FBXL17: variants seen among roughly 807,000 people sequenced by gnomAD.
The protein encoded by FBXL17 is F-box/LRR-repeat protein 17.
A neutral mutation model predicts 66.2 loss-of-function variants in FBXL17; 22 were observed. The observed-to-expected ratio is 0.33, with a 90% CI of 0.24 to 0.47. FBXL17 has a LOEUF of 0.47. Ranked by LOEUF, FBXL17 falls within the 20% of genes least tolerant of loss-of-function variation. The pLI is 1.00. For missense variants in FBXL17, 878 were observed against 948.2 expected (o/e 0.93, Z 0.97); for synonymous variants, 474 against 400.5 (o/e 1.18, Z -2.19).
chr5:108,009,308 T>TACAC (rs1554056645), intron 7 of FBXL17, among the ~76,000 whole-genome samples: 626 of 42,200 alleles, frequency 0.015, 112 homozygotes, highest in African/African-American at 0.053. Flanking sequence ...TATACATATA[T>TACAC]ACATACACAT....
At chr5:107,946,271 A>T (rs1160693556) in intron 7 of FBXL17, among the ~76,000 whole-genome samples, 2 of 43,106 alleles carry the variant, frequency 4.6e-5, no homozygotes, top group African/African-American at 8.9e-5. Context: ...ATATATATAT[A>T]TATATATATA....
intron 6 of FBXL17, among the ~76,000 whole-genome samples, chr5:108,127,231 C>T (rs746269525): frequency 7.9e-5 from 12 of 152,084 alleles, no homozygotes; most frequent in Non-Finnish European, 2.9e-5. Flanking sequence ...TTTCAAATTG[C>T]CTATCATCCT....
chr5:108,015,331 C>G lies in FBXL17; in HGVS notation c.1822+5594G>C, dbSNP rs551658522. 1.2e-4 allele frequency among the ~76,000 whole-genome samples: 18 copies of G among 152,186 alleles called. No individual in the cohort carries two copies. In the South Asian group the frequency reaches 3.7e-3, roughly 32 times the overall value. ...TGGAAAAAAAAGTGTGAATAATCAA[C>G]AGTAAACATTAGGACATTCTTTTTG... On this transcript the variant is annotated intron_variant, in intron 7 of 8. Transcript: ENST00000542267.
chr5:108,196,548 G>C (rs1251182632), intron 5 of FBXL17, among the ~76,000 whole-genome samples: 1 of 152,140 alleles, frequency 6.6e-6, no homozygotes, highest in Non-Finnish European at 1.5e-5. Context: ...ACTCACTTTT[G>C]TGTCACCAGT....
In FBXL17 at chr5:108,381,491, A is replaced by T; in HGVS notation, c.201T>A (p.Ser67Arg). Residue 67 changes from serine to arginine, a missense_variant, in exon 1 of 9, where the codon AGT becomes AGA. Ser to Arg is a moderately radical substitution (Grantham distance 110). Around this residue, in one of 4 missense-constraint regions of FBXL17, gnomAD observed 605 missense variants for 509.5 expected, o/e 1.19. Coordinates refer to ENST00000542267, the MANE Select transcript of FBXL17 (RefSeq NM_001163315.3). Reference sequence around the variant, plus strand: ...GGCCGGCGGGGGCGGGCGCGCCGGGACTGTGCACGATGAAGCAGAGCATGC... The same window carrying T: ...GGCCGGCGGGGGCGGGCGCGCCGGGTCTGTGCACGATGAAGCAGAGCATGC... ...GPCMLCFIVH[S>R]PGAPAPAGPE... The T allele has an allele frequency of 7.4e-7, 1 of 1,355,290 alleles. No individual in the cohort carries two copies. Among genetic ancestry groups the T allele is most frequent in the Non-Finnish European group, 9.4e-7 (1 of 1,062,186 alleles). 84.0% of individuals were successfully genotyped at this position (1,355,290 alleles called of 1,614,324 possible).
At chr5:107,966,416 T>C (rs542704844) in intron 7 of FBXL17, among the ~76,000 whole-genome samples, 1 of 151,818 alleles carries the variant, frequency 6.6e-6, no homozygotes, top group Non-Finnish European at 1.5e-5. Context: ...CCTGCCAGGA[T>C]GGAAGTGGTG....
intron 4 of FBXL17, among the ~76,000 whole-genome samples, chr5:108,327,592 T>A (rs1027180577): frequency 6.6e-6 from 1 of 151,998 alleles, no homozygotes; most frequent in African/African-American, 2.4e-5. Flanking sequence ...GTAAAAAATA[T>A]AAAAGATGTA....
chr5:107,956,232 A>G (rs1007714423), intron 7 of FBXL17, among the ~76,000 whole-genome samples: 1 of 152,218 alleles, frequency 6.6e-6, no homozygotes, highest in Admixed American at 6.5e-5. Context: ...AGTGATTCTC[A>G]AAATGGAAAT....
intron 7 of FBXL17, among the ~76,000 whole-genome samples, chr5:107,935,682 A>T (rs1212996875): frequency 6.6e-6 from 1 of 152,058 alleles, no homozygotes; most frequent in Non-Finnish European, 1.5e-5. Flanking sequence ...GTAAGCACGT[A>T]AGTTGGTATA....
At chr5:108,299,143 T>C in intron 4 of FBXL17, 4 of 979,768 alleles carry the variant, frequency 4.1e-6, no homozygotes, top group Non-Finnish European at 4.8e-6. Context: ...TTGTTAAAAA[T>C]CTGTCAAGAT....
At chr5:108,070,679 A>G (rs1748294288) in intron 6 of FBXL17, among the ~76,000 whole-genome samples, 1 of 152,238 alleles carries the variant, frequency 6.6e-6, no homozygotes, top group African/African-American at 2.4e-5. Context: ...ATCCAAGTTA[A>G]TGTCAATTAA....
At chr5:107,947,256 A>G (rs1282977128) in intron 7 of FBXL17, among the ~76,000 whole-genome samples, 1 of 152,242 alleles carries the variant, frequency 6.6e-6, no homozygotes, top group Non-Finnish European at 1.5e-5. Context: ...TTAAGACTTT[A>G]GTTTTAGCTT....
chr5:108,226,562 G>A (rs909129245), intron 4 of FBXL17, among the ~76,000 whole-genome samples: 5 of 152,094 alleles, frequency 3.3e-5, no homozygotes, highest in Admixed American at 3.3e-4. Context: ...CTGTACCATG[G>A]TTAATTTTCT....
chr5:108,070,573 T>C (rs1748289749), intron 6 of FBXL17, among the ~76,000 whole-genome samples: 1 of 152,226 alleles, frequency 6.6e-6, no homozygotes, highest in Admixed American at 6.5e-5. Context: ...TTCCATTGCA[T>C]AAATCAAAAC....
At chr5:108,345,130 C>G (rs1041658486) in intron 4 of FBXL17, among the ~76,000 whole-genome samples, 3 of 151,878 alleles carry the variant, frequency 2.0e-5, no homozygotes, top group African/African-American at 4.8e-5. Context: ...GTCAGGAGTT[C>G]GAGACCAGCC....
At chr5:108,249,453 A>G (rs1042738883) in intron 4 of FBXL17, among the ~76,000 whole-genome samples, 40 of 152,184 alleles carry the variant, frequency 2.6e-4, no homozygotes, top group African/African-American at 9.4e-4. Context: ...CTGTACCAAC[A>G]TATTAATTTA....
At chr5:107,965,866 T>A (rs1752109640) in intron 7 of FBXL17, among the ~76,000 whole-genome samples, 1 of 152,150 alleles carries the variant, frequency 6.6e-6, no homozygotes, top group African/African-American at 2.4e-5. Flanking sequence ...TAAAATATGA[T>A]GACACCAATT....
intron 5 of FBXL17, among the ~76,000 whole-genome samples, chr5:108,221,755 A>T (rs1349658550): frequency 6.6e-6 from 1 of 152,206 alleles, no homozygotes; most frequent in East Asian, 1.9e-4. Flanking sequence ...AAACATTGCC[A>T]GAATGCAAAT....
At chr5:107,874,592 A>G (rs1748558331) in intron 8 of FBXL17, among the ~76,000 whole-genome samples, 2 of 152,198 alleles carry the variant, frequency 1.3e-5, no homozygotes, top group South Asian at 4.1e-4. Context: ...GCAACTTGAC[A>G]CTAGTGCTCA....
Sources: allele counts gnomAD v4.1 joint callset (sites outside exome capture counted in the v4.1 genomes callset), GRCh38; gene constraint gnomAD v4.1.1; regional missense constraint gnomAD v4.1.1; transcripts MANE v1.5; gene names NCBI Gene and HGNC (gene_info 2026-07-23, HGNC 2026-07-21).